The following HELZ2 variants were observed in gnomAD, a reference collection of about 807,000 sequenced individuals.
HELZ2 encodes helicase with zinc finger 2, also known as 3'-5' exoribonuclease HELZ2.
In HELZ2, 143 loss-of-function variants were observed where a neutral mutation model predicts 208.8. The ratio of observed to expected loss-of-function variants is 0.68; its 90% CI spans 0.60 to 0.79. The LOEUF (loss-of-function observed/expected upper bound fraction) is 0.79, where lower values mean the gene tolerates loss of function less well. Among genes scored for constraint, HELZ2 ranks in the 30% least tolerant of loss-of-function variants. The probability of loss-of-function intolerance (pLI) is 0.00; values close to 1 mark genes in which losing one functional copy is unlikely to be tolerated. For missense variants in HELZ2, 3,690 were observed against 3,794.5 expected (o/e 0.97, Z 0.72); for synonymous variants, 1,705 against 1,693.7 (o/e 1.01, Z -0.16).
At chr20:63,568,579 C>A (rs1202994346) in exon 5 of HELZ2, 9 of 1,590,968 alleles carry the variant, frequency 5.7e-6, no homozygotes, top group Middle Eastern at 3.3e-4. Flanking sequence ...AAGGTCTGGG[C>A]AGGGCGCAGG....
At chr20:63,567,905 C>T (rs7268068) in intron 5 of HELZ2, 48,870 of 620,348 alleles carry the variant, frequency 0.079, 3,879 homozygotes, top group African/African-American at 0.3. Flanking sequence ...GAAATCAGCC[C>T]GGGACGTATG....
Position 63,564,408 on chromosome 20 carries a change from C to T in HELZ2, c.4414G>A (p.Gly1472Ser), listed in dbSNP as rs1391540491. Residue 1472 changes from glycine to serine, a missense_variant, in exon 8 of 19, where the codon GGC becomes AGC. By Grantham distance (56) the Gly-to-Ser change is moderately conservative. This residue lies in a region of HELZ2 where 2,564 missense variants were observed against 2,580.5 expected (regional missense o/e 0.99). Coordinates refer to ENST00000467148, the Ensembl canonical transcript of HELZ2. ...TCCAGGCGGGCCGGCAGCTCACGGCCGGCACCCGGGTGCTGCCTGATCACC... is the reference window on the plus strand; with the variant it reads ...TCCAGGCGGGCCGGCAGCTCACGGCTGGCACCCGGGTGCTGCCTGATCACC... The T allele has an allele frequency of 1.2e-5, 18 of 1,545,580 alleles. No homozygotes were observed. In the East Asian group the frequency reaches 2.0e-4, roughly 17 times the overall value.
intron 5 of HELZ2, 122 bp downstream of exon 6, chr20:63,568,236 C>T (rs1027318653): frequency 8.9e-6 from 7 of 783,688 alleles, no homozygotes; most frequent in Non-Finnish European, 1.5e-5. Flanking sequence ...AAGCCCAAAG[C>T]TGGTCGGCTA....
At chr20:63,566,817 G>C in intron 6 of HELZ2, 27 bp downstream of exon 7, 1 of 1,566,626 alleles carries the variant, frequency 6.4e-7, no homozygotes, top group Non-Finnish European at 8.6e-7. Flanking sequence ...GTGCGGTCGG[G>C]GGCTGTCCCG....
exon 8 of HELZ2, chr20:63,564,120 C>T (rs1157579243): frequency 1.2e-6 from 2 of 1,611,332 alleles, no homozygotes; most frequent in Non-Finnish European, 1.7e-6. Flanking sequence ...CCATGCTTCT[C>T]ACACAGGGCC....
exon 7 of HELZ2, chr20:63,566,384 G>A (rs2082957331): frequency 6.5e-7 from 1 of 1,548,228 alleles, no homozygotes; most frequent in Non-Finnish European, 8.7e-7. Context: ...CCACCTGGCA[G>A]GATCTCAAAA....
exon 5 of HELZ2, chr20:63,568,508 G>T: frequency 6.3e-7 from 1 of 1,584,170 alleles, no homozygotes; most frequent in Non-Finnish European, 8.6e-7. Flanking sequence ...GCCCCAGCCC[G>T]CGATGAGCGC....
exon 8 of HELZ2, chr20:63,563,927 G>C: frequency 6.3e-7 from 1 of 1,593,628 alleles, no homozygotes; most frequent in Non-Finnish European, 8.6e-7. Context: ...GCCTGCAGGA[G>C]CCAGGAATGG....
chr20:63,570,748 C>A (rs1352986080), exon 2 of HELZ2: 2 of 1,610,142 alleles, frequency 1.2e-6, no homozygotes, highest in Non-Finnish European at 1.7e-6. Context: ...AGGGCACCAG[C>A]CCGTCCTGCC....
chr20:63,568,893 AGGGGAC>A, exon 5 of HELZ2: 1 of 1,611,448 alleles, frequency 6.2e-7, no homozygotes, highest in Non-Finnish European at 8.5e-7. Context: ...ATCAGGGAGG[AGGGGAC>A]GGGGACCTCT....
At chr20:63,570,217 C>T (rs2083003799) in intron 3 of HELZ2, 1 of 556,644 alleles carries the variant, frequency 1.8e-6, no homozygotes, top group African/African-American at 1.9e-5. Flanking sequence ...GCCTCGGTCT[C>T]CCAAAGTGCT....
chr20:63,566,881 T>C lies in HELZ2; in HGVS notation c.2477A>G (p.Glu826Gly), dbSNP rs1271806827. 1.9e-6 allele frequency: 3 copies of C among 1,606,142 alleles called. No individual in the cohort carries two copies. In the East Asian group the frequency reaches 6.7e-5, roughly 36 times the overall value. The change falls in exon 6 of 19, where the codon GAG (glutamate) becomes GGG (glycine). Residue 826 changes from glutamate to glycine, a missense_variant. Coordinates refer to ENST00000467148, the Ensembl canonical transcript of HELZ2. ...GGAAACGACACAGATGCACCTCTGC[T>C]CGCGGCCGCCCCAGCAGCTGGGCCA...
chr20:63,569,365 T>A, exon 4 of HELZ2: 1 of 1,607,516 alleles, frequency 6.2e-7, no homozygotes, highest in Non-Finnish European at 8.5e-7. Context: ...CAGCGCTCCA[T>A]CTCCTCAGGG....
In HELZ2 at chr20:63,563,199, G is replaced by A. The variant is rs779693880; in HGVS notation, c.5623C>T (p.Arg1875Trp). Residue 1875 changes from arginine to tryptophan, a missense_variant, in exon 8 of 19, where the codon CGG becomes TGG. Around this residue, in one of 3 missense-constraint regions of HELZ2, gnomAD observed 2,564 missense variants for 2,580.5 expected, o/e 0.99. Coordinates refer to ENST00000467148, the Ensembl canonical transcript of HELZ2. Reference sequence around the variant, plus strand: ...AGGGTGTCCCCACTGCCCAGCTCCCGGGCCACCTCCAGGAAATGGCCACAG... The same window carrying A: ...AGGGTGTCCCCACTGCCCAGCTCCCAGGCCACCTCCAGGAAATGGCCACAG... 54 of 1,585,346 alleles carry A rather than the reference G, an allele frequency of 3.4e-5. No individual in the cohort carries two copies. The highest frequency in any genetic ancestry group is 1.3e-4 in the South Asian group (12 of 88,894).
intron 16 of HELZ2, 21 bp downstream of exon 17, chr20:63,560,458 T>C (rs1569027726): frequency 1.2e-6 from 2 of 1,604,338 alleles, no homozygotes; most frequent in South Asian, 2.2e-5. Flanking sequence ...CCTCCCTGAC[T>C]CACAGGCACC....
rs763044001 is a variant in HELZ2, at chr20:63,569,324, G to A, written c.912C>T (p.Gly304=). The change falls in exon 4 of 19, where the codon GGC becomes GGT. Residue 304 remains glycine (G), a synonymous_variant. Coordinates refer to ENST00000467148, the Ensembl canonical transcript of HELZ2. The stretch of plus-strand genomic sequence containing the variant: ...CCGTCTGCTCGGCCGTCCGCTCCAC[G>A]CCAGGCACCACGTGGCGGTTGCCAG... 5.0e-6 allele frequency: 8 copies of A among 1,593,082 alleles called. No homozygotes were observed. The highest frequency in any genetic ancestry group is 2.3e-5 in the South Asian group (2 of 88,816).
rs78813067 is a variant in HELZ2, at chr20:63,570,626, A to G, written c.463-15T>C. On this transcript the variant is annotated splice_polypyrimidine_tract_variant and intron_variant, in intron 2 of 18. Coordinates refer to ENST00000467148, the Ensembl canonical transcript of HELZ2. ...GTCTCTGCCAGCTGCGTGGAAGTCT[A>G]GCCTTCAGCAAGAGGCCTGGACCCC... 1,426 of 1,603,330 alleles carry G rather than the reference A, an allele frequency of 8.9e-4. 7 individuals carry two copies. In the African/African-American group the frequency reaches 0.018, roughly 20 times the overall value.
chr20:63,567,485 C>A lies in HELZ2; in HGVS notation c.1873G>T (p.Asp625Tyr), dbSNP rs777851458. Residue 625 changes from aspartate to tyrosine, a missense_variant, in exon 6 of 19, where the codon GAC becomes TAC. By Grantham distance (160) the Asp-to-Tyr change is radical. Transcript: ENST00000467148. Reference sequence around the variant, plus strand: ...GGCGGGCGGAAAGCCTGGCGGTCGTCGGTCAGGCAACAGTACTGCAGCGTG... The same window carrying A: ...GGCGGGCGGAAAGCCTGGCGGTCGTAGGTCAGGCAACAGTACTGCAGCGTG... 112 of 1,555,922 alleles carry A rather than the reference C, an allele frequency of 7.2e-5. No individual in the cohort carries two copies. Among genetic ancestry groups the A allele is most frequent in the Non-Finnish European group, 9.6e-5 (110 of 1,150,162 alleles).
intron 5 of HELZ2, 142 bp downstream of exon 6, chr20:63,568,216 G>C: frequency 1.4e-6 from 1 of 708,622 alleles, no homozygotes; most frequent in Non-Finnish European, 2.4e-6. Flanking sequence ...AGCTGGGCCT[G>C]ATAAAGCCAA....
Sources: gnomAD v4.1 joint callset for allele counts on GRCh38, gnomAD v4.1.1 for gene constraint, gnomAD v4.1.1 regional missense constraint, MANE v1.5 for transcripts, NCBI Gene and HGNC (gene_info 2026-07-23, HGNC 2026-07-21) for gene names.